MERTK: variants seen among roughly 807,000 people sequenced by gnomAD.
MERTK encodes MER proto-oncogene, tyrosine kinase.
A neutral mutation model predicts 99.3 loss-of-function variants in MERTK; 69 were observed. That is an observed-to-expected ratio of 0.70 (90% CI 0.57 to 0.85). The LOEUF (loss-of-function observed/expected upper bound fraction) is 0.85, where lower values mean the gene tolerates loss of function less well. Among genes scored for constraint, MERTK ranks in the 40% least tolerant of loss-of-function variants. The probability of loss-of-function intolerance (pLI) is 0.00; values close to 1 mark genes in which losing one functional copy is unlikely to be tolerated. For synonymous variants in MERTK, 426 were observed against 467.6 expected (o/e 0.91, Z 1.15); for missense variants, 1,125 against 1,249.4 (o/e 0.90, Z 1.50).
chr2:111,947,419 T>C lies in MERTK; in HGVS notation c.609T>C (p.Pro203=). The C allele has an allele frequency of 6.2e-7, 1 of 1,614,174 alleles. No individual in the cohort carries two copies. The highest frequency in any genetic ancestry group is 8.5e-7 in the Non-Finnish European group (1 of 1,180,036). The change falls in exon 4 of 19, where the codon CCT becomes CCC. Residue 203 remains proline, a synonymous_variant. Transcript: ENST00000295408. The part of the protein sequence containing the change: ...VQGLPHFTKQ[P]ESMNVTRNTA... ...GACTTCCTCACTTTACTAAGCAGCCTGAGAGCATGAATGTCACCAGAAACA... is the reference window on the plus strand; with the variant it reads ...GACTTCCTCACTTTACTAAGCAGCCCGAGAGCATGAATGTCACCAGAAACA...
chr2:111,911,228 A>G (rs1558767970), intron 1 of MERTK, among the ~76,000 whole-genome samples: 1 of 152,114 alleles, frequency 6.6e-6, no homozygotes, highest in Non-Finnish European at 1.5e-5. Context: ...AAAATTTCAT[A>G]TAAATAGTAT....
intron 2 of MERTK, chr2:111,940,559 C>T: frequency 3.2e-6 from 2 of 626,340 alleles, no homozygotes; most frequent in South Asian, 1.4e-5. Flanking sequence ...TGCTCCTGAA[C>T]CAAAATTTGA....
intron 4 of MERTK, among the ~76,000 whole-genome samples, chr2:111,964,555 G>C (rs964278277): frequency 9.9e-5 from 15 of 152,222 alleles, no homozygotes; most frequent in African/African-American, 3.6e-4. Context: ...TAGAAAACAA[G>C]ATCTGGCTAA....
At chr2:112,004,057 A>G (rs1251061498) in intron 13 of MERTK, 73 bp downstream of exon 13, 2 of 1,304,654 alleles carry the variant, frequency 1.5e-6, no homozygotes, top group African/African-American at 1.5e-5. Flanking sequence ...CCATGAGGCC[A>G]TATGTCACAA....
chr2:111,976,998 C>T (rs1676267266), intron 7 of MERTK, among the ~76,000 whole-genome samples: 1 of 152,072 alleles, frequency 6.6e-6, no homozygotes, highest in Non-Finnish European at 1.5e-5. Flanking sequence ...TTTAATGTAT[C>T]TTAAAATACC....
chr2:111,913,270 C>T (rs1429314194), intron 1 of MERTK, among the ~76,000 whole-genome samples: 1 of 152,196 alleles, frequency 6.6e-6, no homozygotes, highest in Non-Finnish European at 1.5e-5. Flanking sequence ...TTTATGAACA[C>T]AGTATATCTC....
intron 1 of MERTK, among the ~76,000 whole-genome samples, chr2:111,917,456 C>T (rs191670911): frequency 6.6e-6 from 1 of 152,244 alleles, no homozygotes; most frequent in African/African-American, 2.4e-5. Context: ...CTGGGCTGCC[C>T]CTTTCCTTGT....
At chr2:112,004,157 A>G (rs923823910) in intron 13 of MERTK, among the ~76,000 whole-genome samples, 173 bp downstream of exon 13, 7 of 152,146 alleles carry the variant, frequency 4.6e-5, no homozygotes, top group African/African-American at 1.7e-4. Context: ...TGCATTACAT[A>G]TTCTTTATAC....
At position 112,010,052 on chromosome 2, in the gene MERTK, G is replaced by A. The variant is rs1280013318; in HGVS notation, c.2065G>A (p.Glu689Lys). ...TACTTACTTACTTTATTCCCGATTG[G>A]AGACAGGACCAAAGGTAATGATCTC... ...LHTYLLYSRLETGPKHIPLQT... is the reference protein window; with the variant it reads ...LHTYLLYSRLKTGPKHIPLQT... Residue 689 changes from glutamate (E) to lysine (K), a missense_variant, in exon 15 of 19, where the codon GAG becomes AAG. Coordinates refer to ENST00000295408, the MANE Select transcript of MERTK (RefSeq NM_006343.3). The A allele has an allele frequency of 6.2e-7, 1 of 1,609,266 alleles. No homozygotes were observed. Among genetic ancestry groups the A allele is most frequent in the South Asian group, 1.1e-5 (1 of 90,966 alleles).
At chr2:111,924,741 G>C (rs1684522782) in intron 1 of MERTK, among the ~76,000 whole-genome samples, 1 of 152,070 alleles carries the variant, frequency 6.6e-6, no homozygotes, top group Admixed American at 6.6e-5. Context: ...TAGCAGAGTA[G>C]CTCTACTCTT....
At chr2:112,001,313 G>C in intron 11 of MERTK, 27 bp downstream of exon 11, 1 of 1,563,514 alleles carries the variant, frequency 6.4e-7, no homozygotes, top group South Asian at 1.1e-5. Flanking sequence ...TTCCCTTTTT[G>C]GCAAAAGTTA....
At position 111,919,243 on chromosome 2, in the gene MERTK, C is replaced by A. The variant is rs1275899303; in HGVS notation, c.62-9877C>A. On this transcript the variant is annotated intron_variant, in intron 1 of 18. Transcript: ENST00000295408. ...TCCATCCAGGCCATTCAGTGCCCCC[C>A]ATCCCTGGCCTTCCGCAGCCCCCTG... Among the ~76,000 whole-genome samples the A allele has an allele frequency of 3.9e-5, 6 of 152,156 alleles. No individual in the cohort carries two copies. The East Asian group carries it at 9.6e-4, about 24-fold the overall frequency.
At chr2:111,929,612 A>C (rs1408468239) in intron 2 of MERTK, 72 bp downstream of exon 2, 1 of 685,484 alleles carries the variant, frequency 1.5e-6, no homozygotes, top group Admixed American at 4.5e-5. Flanking sequence ...ATTGAGACAG[A>C]GTATCATTCT....
intron 1 of MERTK, among the ~76,000 whole-genome samples, chr2:111,914,084 T>C: frequency 7.3e-6 from 1 of 136,824 alleles, no homozygotes; most frequent in Admixed American, 7.5e-5. Flanking sequence ...CTCTTTTCTT[T>C]CTTTCTTTCT....
At chr2:112,013,036 TC>T (rs1677139083) in intron 15 of MERTK, among the ~76,000 whole-genome samples, 2 of 152,126 alleles carry the variant, frequency 1.3e-5, no homozygotes. Flanking sequence ...TTGCTTTTTT[TC>T]CCCCTTTTAC....
chr2:111,979,717 T>C (rs549742361), intron 7 of MERTK, among the ~76,000 whole-genome samples: 5 of 152,308 alleles, frequency 3.3e-5, no homozygotes, highest in African/African-American at 9.6e-5. Context: ...TATTAAATGT[T>C]TTATTTTACT....
At chr2:111,902,998 C>G (rs560358113) in intron 1 of MERTK, among the ~76,000 whole-genome samples, 2 of 152,254 alleles carry the variant, frequency 1.3e-5, no homozygotes, top group South Asian at 4.1e-4. Flanking sequence ...AGGCTGGTCT[C>G]GAACTCCTGA....
At chr2:111,920,113 A>T (rs1482092498) in intron 1 of MERTK, among the ~76,000 whole-genome samples, 1 of 151,996 alleles carries the variant, frequency 6.6e-6, no homozygotes, top group Non-Finnish European at 1.5e-5. Context: ...CTCTAAGTAA[A>T]TCCGGGGTGT....
At chr2:111,930,944 G>T (rs1233526224) in intron 2 of MERTK, among the ~76,000 whole-genome samples, 1 of 152,202 alleles carries the variant, frequency 6.6e-6, no homozygotes, top group African/African-American at 2.4e-5. Flanking sequence ...GCCTGTGGTT[G>T]TTAAAAGCAC....
Sources: gnomAD v4.1 joint callset for allele counts (sites outside exome capture counted in the v4.1 genomes callset) on GRCh38, gnomAD v4.1.1 for gene constraint, MANE v1.5 for transcripts, NCBI Gene and HGNC (gene_info 2026-07-23, HGNC 2026-07-21) for gene names.